The following DST variants were observed in gnomAD, a reference collection of about 807,000 sequenced individuals.
DST encodes the protein dystonin, also known as bullous pemphigoid antigen.
In DST, 253 loss-of-function variants were observed where a neutral mutation model predicts 875.2. The ratio of observed to expected loss-of-function variants is 0.29; its 90% CI spans 0.26 to 0.32. The LOEUF (loss-of-function observed/expected upper bound fraction) is 0.32, where lower values mean the gene tolerates loss of function less well. Ranked by LOEUF, DST falls within the 10% of genes least tolerant of loss-of-function variation. The pLI is 1.00. For missense variants in DST, 8,287 were observed against 9,111.6 expected (o/e 0.91, Z 3.68); for synonymous variants, 3,124 against 3,197.1 (o/e 0.98, Z 0.77).
intron 95 of DST, 92 bp downstream of exon 95, chr6:56,471,014 T>C (rs2094863871): frequency 1.5e-6 from 2 of 1,328,752 alleles, no homozygotes; most frequent in Non-Finnish European, 1.0e-6. Flanking sequence ...CAATGCTTTA[T>C]TGTAACACAA....
intron 1 of DST, 31 bp downstream of exon 1, chr6:56,954,375 AG>A: frequency 7.4e-7 from 1 of 1,349,148 alleles, no homozygotes; most frequent in Non-Finnish European, 9.9e-7. Context: ...TGTTCCTGGT[AG>A]CCCGCAGAAA....
chr6:56,891,683 G>A (rs879501153), intron 3 of DST, among the ~76,000 whole-genome samples: 12 of 151,952 alleles, frequency 7.9e-5, no homozygotes, highest in Non-Finnish European at 1.8e-4. Context: ...GCAGTGAGCC[G>A]TGATTGCGCG....
chr6:56,504,045 T>A lies in DST; in HGVS notation c.19518A>T (p.Pro6506=). 6.2e-7 allele frequency: 1 copy of A among 1,609,530 alleles called. No homozygotes were observed. The highest frequency in any genetic ancestry group is 8.5e-7 in the Non-Finnish European group (1 of 1,178,084). Residue 6506 remains proline (P), a synonymous_variant, in exon 78 of 104, where the codon CCA becomes CCT. Transcript: ENST00000680361. ...IAGGKLASMS[P]IGTDLETVKQ... ...TGACAGTTTCGAGATCTGTTCCAATTGGAGACATTGAAGCTAATTTACCAC... is the reference window on the plus strand; with the variant it reads ...TGACAGTTTCGAGATCTGTTCCAATAGGAGACATTGAAGCTAATTTACCAC...
At chr6:56,504,864 A>G (rs189036306) in intron 77 of DST, among the ~76,000 whole-genome samples, 270 of 151,420 alleles carry the variant, frequency 1.8e-3, no homozygotes, top group South Asian at 3.3e-3. Flanking sequence ...GCTGGCTAAT[A>G]AAAAAAGAAA....
intron 4 of DST, among the ~76,000 whole-genome samples, chr6:56,795,141 T>C (rs181537270): frequency 8.3e-4 from 126 of 152,152 alleles, no homozygotes; most frequent in Non-Finnish European, 1.5e-3. Context: ...AAAAAATTAT[T>C]AATATCCTTA....
chr6:56,855,935 G>A (rs868287144), intron 3 of DST, among the ~76,000 whole-genome samples: 26 of 152,164 alleles, frequency 1.7e-4, no homozygotes, highest in African/African-American at 6.0e-4. Flanking sequence ...AGTGGCCCCA[G>A]CCAGGAATTC....
At chr6:56,665,810 C>A (rs2099069513) in intron 10 of DST, among the ~76,000 whole-genome samples, 1 of 152,096 alleles carries the variant, frequency 6.6e-6, no homozygotes, top group Non-Finnish European at 1.5e-5. Flanking sequence ...AAGTAACAAA[C>A]CTGCACATAT....
At chr6:56,566,545 C>T (rs542265865) in intron 55 of DST, among the ~76,000 whole-genome samples, 11 of 152,270 alleles carry the variant, frequency 7.2e-5, no homozygotes, top group Middle Eastern at 3.4e-3. Context: ...CTAACCAGTC[C>T]CAATGAGATG....
intron 2 of DST, among the ~76,000 whole-genome samples, chr6:56,943,412 C>G (rs1019647821): frequency 2.0e-5 from 3 of 149,888 alleles, no homozygotes; most frequent in African/African-American, 4.9e-5. Flanking sequence ...ATTTTCAACT[C>G]ATTTTCTTTT....
chr6:56,483,373 A>G (rs1422503768), intron 88 of DST, among the ~76,000 whole-genome samples: 1 of 152,102 alleles, frequency 6.6e-6, no homozygotes, highest in East Asian at 1.9e-4. Context: ...TCTTAGAGAT[A>G]ATGGCAGGGA....
intron 9 of DST, among the ~76,000 whole-genome samples, chr6:56,683,655 T>C (rs1240496700): frequency 2.0e-5 from 3 of 152,198 alleles, no homozygotes; most frequent in Admixed American, 1.3e-4. Context: ...AAAGGAAGTA[T>C]TAAAGACAGA....
At chr6:56,851,815 G>A in intron 3 of DST, 1 of 1,551,556 alleles carries the variant, frequency 6.4e-7, no homozygotes, top group Non-Finnish European at 8.7e-7. Flanking sequence ...GTCTCCAATC[G>A]TAAAAACAAT....
intron 4 of DST, among the ~76,000 whole-genome samples, chr6:56,739,987 G>A (rs890247828): frequency 1.3e-5 from 2 of 152,110 alleles, no homozygotes; most frequent in African/African-American, 2.4e-5. Flanking sequence ...TCAGCCTCCT[G>A]AGTAGCTGGG....
chr6:56,872,972 T>C (rs1778062400), intron 3 of DST, among the ~76,000 whole-genome samples: 2 of 152,094 alleles, frequency 1.3e-5, no homozygotes, highest in South Asian at 4.1e-4. Flanking sequence ...TTCCTACCAA[T>C]GAGCATTCTC....
At chr6:56,487,340 AC>A in intron 86 of DST, 67 bp from the exon 87 acceptor site, 1 of 1,326,486 alleles carries the variant, frequency 7.5e-7, no homozygotes, top group East Asian at 2.4e-5. Flanking sequence ...AGAGGCATTA[AC>A]AGAGGCATCC....
Position 56,528,875 on chromosome 6 carries a change from T to G in DST, c.17646A>C (p.Leu5882Phe). Reference sequence around the variant, plus strand: ...GTTTAAGTAGTTCTAAACCATTTAGTAAAGCCTGATCTACATTTTGTTTCC... The same window carrying G: ...GTTTAAGTAGTTCTAAACCATTTAGGAAAGCCTGATCTACATTTTGTTTCC... ...LLRKQNVDQALLNGLELLKQT... is the reference protein window; with the variant it reads ...LLRKQNVDQAFLNGLELLKQT... The change falls in exon 67 of 104, where the codon TTA (leucine) becomes TTC (phenylalanine). Residue 5882 changes from leucine (L) to phenylalanine (F), a missense_variant. Leu to Phe is a conservative substitution (Grantham distance 22, BLOSUM62 0). Transcript: ENST00000680361. The G allele has an allele frequency of 2.5e-6, 4 of 1,586,682 alleles. 1 individual carries two copies. Among genetic ancestry groups the G allele is most frequent in the Middle Eastern group, 3.4e-4 (2 of 5,900 alleles).
intron 101 of DST, 78 bp downstream of exon 101, chr6:56,463,487 C>T: frequency 2.3e-6 from 3 of 1,288,122 alleles, no homozygotes; most frequent in South Asian, 1.5e-5. Flanking sequence ...AATTCTAGGG[C>T]CCTAAATAGA....
rs2099634855 is a variant in DST at position 56,766,923 on chromosome 6, T to A, written c.626-31634A>T. ...GACAACCCATGCTTTAAAAATCTAATGAGTCAGTGCTTTTTTTCTGTTTTG... is the reference window on the plus strand; with the variant it reads ...GACAACCCATGCTTTAAAAATCTAAAGAGTCAGTGCTTTTTTTCTGTTTTG... On this transcript the variant is annotated intron_variant, in intron 4 of 103. Transcript: ENST00000680361. Among the ~76,000 whole-genome samples, 5 of 152,218 alleles carry A rather than the reference T, an allele frequency of 3.3e-5. No homozygotes were observed. The South Asian group carries it at 1.0e-3, about 31-fold the overall frequency.
chr6:56,878,173 CAGAAACCAAG>C (rs1452847457), intron 3 of DST, among the ~76,000 whole-genome samples: 1 of 152,162 alleles, frequency 6.6e-6, no homozygotes, highest in Non-Finnish European at 1.5e-5. Context: ...TAGACAAAGC[CAGAAACCAAG>C]AGGAGAGATT....
Sources: gnomAD v4.1 joint callset for allele counts (sites outside exome capture counted in the v4.1 genomes callset) on GRCh38, gnomAD v4.1.1 for gene constraint, MANE v1.5 for transcripts, NCBI Gene and HGNC (gene_info 2026-07-23, HGNC 2026-07-21) for gene names.